Variants in POPDC2 observed in about 807,000 individuals in gnomAD.
The protein encoded by POPDC2 is popeye domain-containing protein 2.
A neutral mutation model predicts 30.5 loss-of-function variants in POPDC2; 24 were observed. The observed-to-expected ratio is 0.79, with a 90% confidence interval of 0.57 to 1.11. The LOEUF (loss-of-function observed/expected upper bound fraction) is 1.11, where lower values mean the gene tolerates loss of function less well. POPDC2 is among the 50% of genes least tolerant of loss of function. The probability of loss-of-function intolerance (pLI) is 0.00; values close to 1 mark genes in which losing one functional copy is unlikely to be tolerated. For synonymous variants in POPDC2, 185 were observed against 183.3 expected (o/e 1.01, Z -0.07); for missense variants, 409 against 447.0 (o/e 0.91, Z 0.77).
chr3:119,659,427 C>T (rs1332249612), intron 1 of POPDC2, among the ~76,000 whole-genome samples: 1 of 152,226 alleles, frequency 6.6e-6, no homozygotes, highest in Admixed American at 6.5e-5. Flanking sequence ...GATGCCTTGG[C>T]AGGGAACAGG....
At position 119,642,518 on chromosome 3, in the gene POPDC2, C is replaced by T; in HGVS notation, c.*87G>A. On this transcript the variant is annotated 3_prime_UTR_variant, in exon 4 of 4. Coordinates refer to ENST00000493094, the MANE Select transcript of POPDC2 (RefSeq NM_001369919.2). ...GGGTTGGAGCCAAAGGGGCCTGTCC[C>T]CTGGATATAACTTGAGAGTAGCTCT... is the stretch of plus-strand genomic sequence containing the variant. The T allele has an allele frequency of 6.2e-7, 1 of 1,613,404 alleles. No homozygotes were observed. Among genetic ancestry groups the T allele is most frequent in the Non-Finnish European group, 8.5e-7 (1 of 1,179,430 alleles).
chr3:119,649,041 T>A (rs1032855138), intron 2 of POPDC2, among the ~76,000 whole-genome samples: 1 of 152,234 alleles, frequency 6.6e-6, no homozygotes, highest in Non-Finnish European at 1.5e-5. Context: ...GGCCTTCTTG[T>A]GCTCTGAAGA....
chr3:119,660,621 A>C, upstream of POPDC2: 7 of 521,848 alleles, frequency 1.3e-5, no homozygotes, highest in East Asian at 3.1e-5. Context: ...AGAATTTAAA[A>C]ACCTCTTTCT....
intron 3 of POPDC2, among the ~76,000 whole-genome samples, chr3:119,645,828 T>A (rs1476073757): frequency 6.6e-6 from 1 of 152,208 alleles, no homozygotes; most frequent in East Asian, 1.9e-4. Context: ...TACTCCTCTT[T>A]TCTTCCTTTG....
At chr3:119,648,042 A>T (rs1577167811) in intron 3 of POPDC2, 77 bp downstream of exon 3, 1 of 1,190,782 alleles carries the variant, frequency 8.4e-7, no homozygotes, top group South Asian at 1.8e-5. Context: ...TCCACGAATG[A>T]TTTTTTTTGC....
Position 119,648,644 on chromosome 3 carries a change from A to G in POPDC2, c.625T>C (p.Cys209Arg), listed in dbSNP as rs370171905. The G allele has an allele frequency of 1.9e-6, 3 of 1,613,904 alleles. No homozygotes were observed. The highest frequency in any genetic ancestry group is 1.1e-5 in the South Asian group (1 of 91,048). ...FQVTLTAETS[C>R]SYISWPRKSL... ...TTCCGGGGCCAGGAAATGTAGCTAC[A>G]TGAGGTCTCAGCAGTCAGAGTGACC... The change falls in exon 3 of 4, where the codon TGT becomes CGT. Residue 209 changes from cysteine (C) to arginine (R), a missense_variant. Coordinates refer to ENST00000493094, the MANE Select transcript of POPDC2 (RefSeq NM_001369919.2).
At chr3:119,650,674 T>A (rs945674185) in intron 2 of POPDC2, among the ~76,000 whole-genome samples, 4 of 152,206 alleles carry the variant, frequency 2.6e-5, no homozygotes, top group Non-Finnish European at 4.4e-5. Context: ...AGGGCTCCGC[T>A]CTTGAACCAT....
intron 1 of POPDC2, among the ~76,000 whole-genome samples, chr3:119,655,803 A>G (rs1216571909): frequency 6.6e-6 from 1 of 152,234 alleles, no homozygotes; most frequent in Non-Finnish European, 1.5e-5. Context: ...TGTTCTTAGC[A>G]CAACACCATG....
chr3:119,660,106 C>T lies in POPDC2; in HGVS notation c.318G>A (p.Glu106=), dbSNP rs1409113443. 6.2e-7 allele frequency: 1 copy of T among 1,614,220 alleles called. No homozygotes were observed. The highest frequency in any genetic ancestry group is 8.5e-7 in the Non-Finnish European group (1 of 1,180,030). ...GCGTCTTGTAGAGGAGGTCAAACTC[C>T]TCAGGGAGGGTGTCCTCACGCAGGC... ...VYRLREDTLP[E]EFDLLYKTLC... is the part of the protein sequence containing the mutation. The change falls in exon 1 of 4, where the codon GAG becomes GAA. Residue 106 remains glutamate (E), a synonymous_variant. Coordinates refer to ENST00000493094, the MANE Select transcript of POPDC2 (RefSeq NM_001369919.2).
intron 3 of POPDC2, among the ~76,000 whole-genome samples, chr3:119,645,566 C>CAAAAAAAAAAAAAAA (rs201320482): frequency 8.7e-6 from 1 of 115,318 alleles, no homozygotes; most frequent in African/African-American, 3.3e-5. Context: ...CCGTCTCAAA[C>CAAAAAAAAAAAAAAA]AAAAAAAAAA....
intron 3 of POPDC2, among the ~76,000 whole-genome samples, chr3:119,644,586 C>T (rs1416335224): frequency 6.6e-6 from 1 of 152,166 alleles, no homozygotes; most frequent in African/African-American, 2.4e-5. Flanking sequence ...CAAAAAGGAG[C>T]TCCAGAGGAA....
chr3:119,649,502 G>C (rs540003228), intron 2 of POPDC2, among the ~76,000 whole-genome samples: 1 of 152,278 alleles, frequency 6.6e-6, no homozygotes, highest in African/African-American at 2.4e-5. Flanking sequence ...TAAAGCTGGG[G>C]TTAAAATGGA....
intron 2 of POPDC2, among the ~76,000 whole-genome samples, chr3:119,650,929 G>T (rs1180986920): frequency 1.3e-5 from 2 of 152,208 alleles, no homozygotes; most frequent in Admixed American, 6.5e-5. Flanking sequence ...AGCTTTCTTT[G>T]TCTCAGTTGA....
chr3:119,659,934 G>C lies in POPDC2; in HGVS notation c.490C>G (p.Arg164Gly). The change falls in exon 1 of 4, where the codon CGG becomes GGG. Residue 164 changes from arginine to glycine, a missense_variant and splice_region_variant. By Grantham distance (125) the Arg-to-Gly change is moderately radical. Coordinates refer to ENST00000493094, the MANE Select transcript of POPDC2 (RefSeq NM_001369919.2). ...TGGGCAATGGATAGAGTAGCTTACC[G>C]GCCAGAGAGCAGCAGGGACAGGCGG... ...INRLSLLLSGRVRVSQDGQFL... is the reference protein window; with the variant it reads ...INRLSLLLSGGVRVSQDGQFL... The C allele has an allele frequency of 1.3e-6, 2 of 1,582,906 alleles. No homozygotes were observed. The highest frequency in any genetic ancestry group is 1.7e-6 in the Non-Finnish European group (2 of 1,159,182).
Position 119,648,210 on chromosome 3 carries a change from T to A in POPDC2, c.1059A>T (p.Gly353=), listed in dbSNP as rs1381012445. 9 of 1,583,130 alleles carry A rather than the reference T, an allele frequency of 5.7e-6. No homozygotes were observed. The highest frequency in any genetic ancestry group is 7.7e-6 in the Non-Finnish European group (9 of 1,163,848). ...TCCTATAATCCATAAACGATTCTGATCCTGACACCTCCTCAAAATCCTCCA... is the reference window on the plus strand; with the variant it reads ...TCCTATAATCCATAAACGATTCTGAACCTGACACCTCCTCAAAATCCTCCA... ...LVLEDFEEVS[G]SESFMDYRSD... The change falls in exon 3 of 4, where the codon GGA becomes GGT. Residue 353 remains glycine (G), a synonymous_variant. Transcript: ENST00000493094.
At chr3:119,655,276 G>C (rs980626684) in intron 1 of POPDC2, among the ~76,000 whole-genome samples, 1 of 151,690 alleles carries the variant, frequency 6.6e-6, no homozygotes, top group South Asian at 2.1e-4. Context: ...GCAGTGAGCC[G>C]AGATCACACC....
chr3:119,643,411 A>T (rs767441231), intron 3 of POPDC2: 58 of 1,535,860 alleles, frequency 3.8e-5, no homozygotes, highest in Non-Finnish European at 5.1e-5. Context: ...TTCCCTGAAA[A>T]GCCAAACTGG....
intron 3 of POPDC2, among the ~76,000 whole-genome samples, chr3:119,647,287 T>C (rs573212486): frequency 2.0e-5 from 3 of 152,208 alleles, no homozygotes; most frequent in African/African-American, 7.2e-5. Flanking sequence ...GCCTACATCA[T>C]GGTTGGGTGG....
intron 2 of POPDC2, among the ~76,000 whole-genome samples, chr3:119,649,848 C>T (rs1054529698): frequency 3.9e-5 from 6 of 152,168 alleles, no homozygotes; most frequent in African/African-American, 1.4e-4. Flanking sequence ...ACCCCTCCCC[C>T]ACGTCCTTTA....
Sources: gnomAD v4.1 joint callset for allele counts (sites outside exome capture counted in the v4.1 genomes callset) on GRCh38, gnomAD v4.1.1 for gene constraint, MANE v1.5 for transcripts, NCBI Gene and HGNC (gene_info 2026-07-23, HGNC 2026-07-21) for gene names.